The following HSPA4L variants were observed in gnomAD, a reference collection of about 807,000 sequenced individuals.
The protein encoded by HSPA4L is heat shock 70 kDa protein 4L.
HSPA4L carries 48 observed loss-of-function variants against 100.3 expected under a neutral mutation model. The ratio of observed to expected loss-of-function variants is 0.48; its 90% CI spans 0.38 to 0.61. HSPA4L has a LOEUF of 0.61. HSPA4L is among the 20% of genes least tolerant of loss of function. The probability of loss-of-function intolerance (pLI) is 0.00; values close to 1 mark genes in which losing one functional copy is unlikely to be tolerated. For missense variants in HSPA4L, 886 were observed against 988.6 expected (o/e 0.90, Z 1.39); for synonymous variants, 319 against 328.2 (o/e 0.97, Z 0.30).
chr4:127,797,077 G>A (rs967688391), intron 3 of HSPA4L, among the ~76,000 whole-genome samples: 4 of 152,150 alleles, frequency 2.6e-5, no homozygotes, highest in African/African-American at 9.7e-5. Flanking sequence ...ATGAATCGTA[G>A]TAAGGAGACA....
Position 127,808,013 on chromosome 4 carries a change from G to A in HSPA4L, c.1262G>A (p.Cys421Tyr), listed in dbSNP as rs746236814. The A allele has an allele frequency of 3.1e-6, 5 of 1,608,722 alleles. No individual in the cohort carries two copies. Among genetic ancestry groups the A allele is most frequent in the Non-Finnish European group, 3.4e-6 (4 of 1,178,594 alleles). ...CATTTTAGGGAATGTGAAGTTTTCT[G>A]TAAGAACCATCCTGCCCCATTCTCA... ...EDGSGECEVF[C>Y]KNHPAPFSKV... Residue 421 changes from cysteine (C) to tyrosine (Y), a missense_variant, in exon 11 of 19, where the codon TGT becomes TAT. Transcript: ENST00000296464.
chr4:127,816,337 C>T (rs1252846262), intron 12 of HSPA4L, among the ~76,000 whole-genome samples: 1 of 152,108 alleles, frequency 6.6e-6, no homozygotes, highest in Non-Finnish European at 1.5e-5. Context: ...AAAGAATTAA[C>T]AGTTTATTAC....
rs1451389703 is a variant in HSPA4L at position 127,835,712 on chromosome 4, A to C, written c.*2838A>C. The C allele has an allele frequency of 6.6e-6, 1 of 151,996 alleles. No homozygotes were observed. The highest frequency in any genetic ancestry group is 1.5e-5 in the Non-Finnish European group (1 of 67,992). 9.4% of individuals were successfully genotyped at this position (151,996 alleles called of 1,614,324 possible). On this transcript the variant is annotated 3_prime_UTR_variant, in exon 19 of 19. Coordinates refer to ENST00000296464, the MANE Select transcript of HSPA4L (RefSeq NM_014278.4). Reference sequence around the variant, plus strand: ...AACAAGACTCCGTCTCAAAAAAAAAACAAAAATTCTTCCAAAAAACTAGAA... The same window carrying C: ...AACAAGACTCCGTCTCAAAAAAAAACCAAAAATTCTTCCAAAAAACTAGAA...
chr4:127,801,043 C>A, intron 4 of HSPA4L, 95 bp from the exon 5 acceptor site: 2 of 842,940 alleles, frequency 2.4e-6, no homozygotes, highest in Non-Finnish European at 3.5e-6. Context: ...CTTTATTTGC[C>A]TTAAACTGTA....
At position 127,811,529 on chromosome 4, in the gene HSPA4L, A is replaced by AGT. The variant is rs1360409274; in HGVS notation, c.1475_1476dup (p.Ala493TrpfsTer6). 1 of 1,613,896 alleles carries AGT rather than the reference A, an allele frequency of 6.2e-7. No homozygotes were observed. Among genetic ancestry groups the AGT allele is most frequent in the African/African-American group, 1.3e-5 (1 of 74,910 alleles). On this transcript the variant is annotated frameshift_variant, in exon 12 of 19. Transcript: ENST00000296464. LOFTEE classifies it high-confidence loss of function. ...TCGTGTTAACATCCATGGAATCTTC[A>AGT]GTGTGGCTAGCGCATCAGTAATTGA...
intron 3 of HSPA4L, 139 bp from the exon 4 acceptor site, chr4:127,798,448 A>G: frequency 1.3e-6 from 1 of 744,006 alleles, no homozygotes; most frequent in Non-Finnish European, 2.1e-6. Flanking sequence ...CTAAAATGAC[A>G]ATCTTTCTGG....
intron 1 of HSPA4L, among the ~76,000 whole-genome samples, chr4:127,788,166 T>C (rs1732771061): frequency 6.6e-6 from 1 of 152,134 alleles, no homozygotes; most frequent in South Asian, 2.1e-4. Flanking sequence ...AAATATTGTC[T>C]ACCTATGTAA....
Position 127,830,761 on chromosome 4 carries a change from C to G in HSPA4L, c.2290C>G (p.Pro764Ala), listed in dbSNP as rs890554275. The stretch of plus-strand genomic sequence containing the variant: ...GAACAAACTAAGTCTCACTCAAGAT[C>G]CTGTGGTAAAAGTTTCAGAAATAGT... ...AQNKLSLTQD[P>A]VVKVSEIVAK... Residue 764 changes from proline to alanine, a missense_variant, in exon 18 of 19, where the codon CCT becomes GCT. Transcript: ENST00000296464. The G allele has an allele frequency of 6.3e-7, 1 of 1,596,512 alleles. No individual in the cohort carries two copies.
chr4:127,827,476 G>C (rs1733977120), intron 17 of HSPA4L, 52 bp downstream of exon 17: 1 of 1,599,336 alleles, frequency 6.3e-7, no homozygotes, highest in Non-Finnish European at 8.5e-7. Flanking sequence ...ATGGTACATA[G>C]AATGGGGCAA....
At chr4:127,817,360 A>AG (rs1733694762) in intron 12 of HSPA4L, among the ~76,000 whole-genome samples, 1 of 151,980 alleles carries the variant, frequency 6.6e-6, no homozygotes, top group South Asian at 2.1e-4. Context: ...AAAAAAAAAA[A>AG]TTAGCTCCTC....
chr4:127,794,173 A>G (rs1187400062), intron 2 of HSPA4L, 39 bp downstream of exon 2: 11 of 1,506,396 alleles, frequency 7.3e-6, no homozygotes, highest in Non-Finnish European at 1.0e-5. Flanking sequence ...TACAGGAAGA[A>G]TTAACTGAAT....
intron 18 of HSPA4L, among the ~76,000 whole-genome samples, chr4:127,831,930 T>C (rs1734094220): frequency 6.6e-6 from 1 of 152,100 alleles, no homozygotes; most frequent in South Asian, 2.1e-4. Context: ...AACAAAGTTT[T>C]GCCAATAAGC....
intron 10 of HSPA4L, among the ~76,000 whole-genome samples, chr4:127,806,699 A>T (rs1733367945): frequency 6.6e-6 from 1 of 152,022 alleles, no homozygotes; most frequent in Non-Finnish European, 1.5e-5. Context: ...CAGAATCAAA[A>T]TTTATATTTC....
chr4:127,834,290 C>T lies in HSPA4L; in HGVS notation c.*1416C>T, dbSNP rs2148803461. On this transcript the variant is annotated 3_prime_UTR_variant, in exon 19 of 19. Transcript: ENST00000296464. ...TAAAATTTCAAAAGGCTCATTTTCT[C>T]CCAAAGCTAAATCTTTATATTAGGA... 6.6e-6 allele frequency: 1 copy of T among 152,238 alleles called. No individual in the cohort carries two copies. Among genetic ancestry groups the T allele is most frequent in the Middle Eastern group, 3.4e-3 (1 of 294 alleles). 9.4% of individuals were successfully genotyped at this position (152,238 alleles called of 1,614,324 possible). A position where few individuals can be genotyped will look rare whatever the true frequency, so the allele number is the denominator to read the frequency against.
chr4:127,820,400 A>G, intron 13 of HSPA4L, 28 bp from the exon 14 acceptor site: 1 of 1,556,372 alleles, frequency 6.4e-7, no homozygotes. Context: ...TAATTTTAGA[A>G]ATTTATACTT....
At chr4:127,796,494 G>C (rs777667332) in intron 3 of HSPA4L, among the ~76,000 whole-genome samples, 1 of 151,880 alleles carries the variant, frequency 6.6e-6, no homozygotes. Flanking sequence ...TGAAACATAC[G>C]TACACATAAA....
intron 1 of HSPA4L, among the ~76,000 whole-genome samples, chr4:127,789,779 G>A (rs1732822692): frequency 6.6e-6 from 1 of 152,102 alleles, no homozygotes; most frequent in South Asian, 2.1e-4. Flanking sequence ...CTTTTTCTGT[G>A]AAAACTCTTA....
intron 10 of HSPA4L, among the ~76,000 whole-genome samples, chr4:127,806,435 A>G (rs1733359368): frequency 6.6e-6 from 1 of 151,998 alleles, no homozygotes; most frequent in East Asian, 1.9e-4. Flanking sequence ...AAGAATATGC[A>G]CATTATTTTG....
At position 127,835,118 on chromosome 4, in the gene HSPA4L, A is replaced by C. The variant is rs1485733408; in HGVS notation, c.*2244A>C. On this transcript the variant is annotated 3_prime_UTR_variant, in exon 19 of 19. Transcript: ENST00000296464. ...CTAATTCAGTCCAATTTTAATCTGCATTAAAATATGCAATGCTAGACAAAG... is the reference window on the plus strand; with the variant it reads ...CTAATTCAGTCCAATTTTAATCTGCCTTAAAATATGCAATGCTAGACAAAG... 2 of 152,208 alleles carry C rather than the reference A, an allele frequency of 1.3e-5. No homozygotes were observed. The highest frequency in any genetic ancestry group is 4.8e-5 in the African/African-American group (2 of 41,460). 9.4% of individuals were successfully genotyped at this position (152,208 alleles called of 1,614,324 possible). A position where few individuals can be genotyped will look rare whatever the true frequency, so the allele number is the denominator to read the frequency against.
Sources: gnomAD v4.1 joint callset for allele counts (sites outside exome capture counted in the v4.1 genomes callset) on GRCh38, gnomAD v4.1.1 for gene constraint, MANE v1.5 for transcripts, NCBI Gene and HGNC (gene_info 2026-07-23, HGNC 2026-07-21) for gene names.